The following KIAA1217 variants were observed in gnomAD, a reference collection of about 807,000 sequenced individuals.
KIAA1217 encodes KIAA1217.
KIAA1217 carries 88 observed loss-of-function variants against 163.9 expected under a neutral mutation model. The observed-to-expected ratio is 0.54, with a 90% CI of 0.45 to 0.64. The LOEUF is 0.64. KIAA1217 is among the 30% of genes least tolerant of loss of function. The probability of loss-of-function intolerance (pLI) is 0.00; values close to 1 mark genes in which losing one functional copy is unlikely to be tolerated. For missense variants in KIAA1217, 2,372 were observed against 2,475.0 expected, an observed-to-expected ratio of 0.96 and a Z score of 0.88; for synonymous variants, 903 against 923.1, an observed-to-expected ratio of 0.98 and a Z score of 0.39.
intron 1 of KIAA1217, among the ~76,000 whole-genome samples, chr10:23,939,636 A>G (rs1389859859): frequency 6.6e-6 from 1 of 151,968 alleles, no homozygotes; most frequent in Non-Finnish European, 1.5e-5. Flanking sequence ...AGAGCTTCAA[A>G]ATACACAAGG....
intron 1 of KIAA1217, among the ~76,000 whole-genome samples, chr10:23,920,049 C>T (rs2131289512): frequency 6.6e-6 from 1 of 152,338 alleles, no homozygotes; most frequent in Middle Eastern, 3.4e-3. Context: ...GAGGCTTTGT[C>T]ATGTGGACTC....
intron 2 of KIAA1217, among the ~76,000 whole-genome samples, chr10:24,147,832 C>CAAAA (rs1176106711): frequency 0.029 from 588 of 20,200 alleles, 23 homozygotes; most frequent in Middle Eastern, 0.045. Flanking sequence ...TACTCTGTCT[C>CAAAA]AAAAAAAAAA....
At chr10:23,964,198 G>A (rs1360602662) in intron 1 of KIAA1217, among the ~76,000 whole-genome samples, 1 of 151,870 alleles carries the variant, frequency 6.6e-6, no homozygotes, top group East Asian at 1.9e-4. Context: ...CACTGTGCCT[G>A]GCCGATGAGC....
intron 1 of KIAA1217, among the ~76,000 whole-genome samples, chr10:23,832,894 G>A (rs1048114024): frequency 4.9e-4 from 75 of 152,030 alleles, no homozygotes; most frequent in Admixed American, 9.8e-4. Context: ...AAAGAAGAGA[G>A]CTTGTGCAGG....
At chr10:24,196,706 T>C (rs1395430966) in intron 2 of KIAA1217, among the ~76,000 whole-genome samples, 2 of 152,214 alleles carry the variant, frequency 1.3e-5, no homozygotes, top group Non-Finnish European at 2.9e-5. Flanking sequence ...GCACTAACTC[T>C]GCAGTAAGTG....
intron 1 of KIAA1217, among the ~76,000 whole-genome samples, chr10:23,806,798 G>A (rs1341011973): frequency 6.6e-6 from 1 of 152,040 alleles, no homozygotes; most frequent in East Asian, 1.9e-4. Flanking sequence ...GTACATTTTC[G>A]AGTTATTGAT....
chr10:24,467,542 C>A (rs2063074273), intron 5 of KIAA1217, among the ~76,000 whole-genome samples: 1 of 152,148 alleles, frequency 6.6e-6, no homozygotes, highest in Non-Finnish European at 1.5e-5. Flanking sequence ...GTGTTGTATT[C>A]AGATAAGGGG....
At chr10:23,962,080 C>T (rs1010756763) in intron 1 of KIAA1217, among the ~76,000 whole-genome samples, 1 of 152,208 alleles carries the variant, frequency 6.6e-6, no homozygotes, top group Non-Finnish European at 1.5e-5. Flanking sequence ...ATGTTGGGGG[C>T]ACTCAATTTA....
intron 2 of KIAA1217, among the ~76,000 whole-genome samples, chr10:24,180,114 T>C (rs1464171602): frequency 2.0e-5 from 3 of 152,092 alleles, no homozygotes; most frequent in Non-Finnish European, 4.4e-5. Context: ...GGCAGAGAGT[T>C]CCTTCTGTAT....
At chr10:24,503,886 T>G (rs747744512) in intron 9 of KIAA1217, among the ~76,000 whole-genome samples, 2 of 152,198 alleles carry the variant, frequency 1.3e-5, no homozygotes. Flanking sequence ...AAGAAAAACA[T>G]ACATATCATT....
At position 24,199,496 on chromosome 10, in the gene KIAA1217, C is replaced by T. The variant is rs576533263; in HGVS notation, c.-170-20130C>T. On this transcript the variant is annotated intron_variant, in intron 2 of 18. Coordinates refer to the KIAA1217 transcript ENST00000376462. ...GATTAAGTTTCAACATGAGCTGTGGCGGGGACAGACATTCAAACTATAGCC... is the reference window on the plus strand; with the variant it reads ...GATTAAGTTTCAACATGAGCTGTGGTGGGGACAGACATTCAAACTATAGCC... 7.9e-5 allele frequency among the ~76,000 whole-genome samples: 12 copies of T among 152,244 alleles called. No homozygotes were observed. The East Asian group carries it at 1.9e-3, about 24-fold the overall frequency.
intron 1 of KIAA1217, among the ~76,000 whole-genome samples, chr10:23,766,711 C>T (rs1269750483): frequency 6.6e-6 from 1 of 151,760 alleles, no homozygotes; most frequent in Admixed American, 6.6e-5. Flanking sequence ...GCCTCAGCCT[C>T]CCGAGTAGCT....
At chr10:24,101,710 AATG>A (rs1239096525) in intron 2 of KIAA1217, among the ~76,000 whole-genome samples, 1 of 152,190 alleles carries the variant, frequency 6.6e-6, no homozygotes, top group Non-Finnish European at 1.5e-5. Flanking sequence ...TGCTTGTAAA[AATG>A]ATAATTTCAT....
intron 1 of KIAA1217, among the ~76,000 whole-genome samples, chr10:23,891,703 G>C (rs1841425714): frequency 6.6e-6 from 1 of 151,872 alleles, no homozygotes; most frequent in East Asian, 1.9e-4. Flanking sequence ...TAACAACCTA[G>C]TGTTAATTTT....
intron 1 of KIAA1217, among the ~76,000 whole-genome samples, chr10:23,776,333 A>G (rs1339718782): frequency 1.1e-5 from 1 of 87,332 alleles, no homozygotes; most frequent in African/African-American, 5.0e-5. Flanking sequence ...TTGGAGAGCT[A>G]TTGGAAATAT....
intron 1 of KIAA1217, among the ~76,000 whole-genome samples, chr10:23,719,481 T>G (rs886474990): frequency 6.6e-6 from 1 of 152,076 alleles, no homozygotes; most frequent in Non-Finnish European, 1.5e-5. Context: ...CTCAGGAGGC[T>G]GAGATGGGAG....
chr10:23,696,290 C>T (rs1836036090), intron 1 of KIAA1217, among the ~76,000 whole-genome samples: 1 of 152,240 alleles, frequency 6.6e-6, no homozygotes, highest in Non-Finnish European at 1.5e-5. Flanking sequence ...GCCTACCCTG[C>T]TCTCACCTGG....
chr10:23,796,912 G>T (rs960230278), intron 1 of KIAA1217, among the ~76,000 whole-genome samples: 1 of 152,136 alleles, frequency 6.6e-6, no homozygotes, highest in East Asian at 1.9e-4. Context: ...GAGTGCAGTG[G>T]TATAATCATA....
chr10:23,842,909 AGG>A (rs1171013955), intron 1 of KIAA1217, among the ~76,000 whole-genome samples: 1 of 152,160 alleles, frequency 6.6e-6, no homozygotes, highest in Non-Finnish European at 1.5e-5. Context: ...ATTAAGTTGT[AGG>A]CAATCAGAAA....
Sources: gnomAD v4.1 joint callset for allele counts (sites outside exome capture counted in the v4.1 genomes callset) on GRCh38, gnomAD v4.1.1 for gene constraint, MANE v1.5 for transcripts, NCBI Gene and HGNC (gene_info 2026-07-23, HGNC 2026-07-21) for gene names.